Variants in PCDHA3 observed in about 807,000 individuals in gnomAD.
PCDHA3 encodes protocadherin alpha-3.
A neutral mutation model predicts 62.2 loss-of-function variants in PCDHA3; 41 were observed. The observed-to-expected ratio is 0.66, with a 90% CI of 0.51 to 0.86. PCDHA3 has a LOEUF of 0.86. PCDHA3 is among the 40% of genes least tolerant of loss of function. The pLI, the probability that PCDHA3 is intolerant of heterozygous loss-of-function variation, is 0.00. For missense variants in PCDHA3, 1,304 were observed against 1,241.2 expected, an observed-to-expected ratio of 1.05 and a Z score of -0.76; for synonymous variants, 640 against 555.4, an observed-to-expected ratio of 1.15 and a Z score of -2.14.
In PCDHA3 at chr5:140,842,782, C is replaced by T. The variant is rs1349278415; in HGVS notation, c.2394+39191C>T. 6 of 1,594,538 alleles carry T rather than the reference C, an allele frequency of 3.8e-6. 1 individual carries two copies. The highest frequency in any genetic ancestry group is 5.1e-6 in the Non-Finnish European group (6 of 1,165,434). ...CGCGAGACGCGGACGCGCAGGAGAA[C>T]GCGCTGGTGTCCTACTCGCTTGTGG... On this transcript the variant is annotated intron_variant, in intron 1 of 3. Transcript: ENST00000522353.
At chr5:140,941,255 C>CTTTT (rs782490896) in intron 1 of PCDHA3, among the ~76,000 whole-genome samples, 1 of 44,504 alleles carries the variant, frequency 2.2e-5, no homozygotes, top group Non-Finnish European at 5.1e-5. Flanking sequence ...TTCTTTCTTT[C>CTTTT]TCTTTCTTTC....
intron 1 of PCDHA3, among the ~76,000 whole-genome samples, chr5:140,946,631 T>TATACATACAC (rs57893927): frequency 7.6e-6 from 1 of 131,846 alleles, no homozygotes; most frequent in Non-Finnish European, 1.5e-5. Context: ...TATATATATA[T>TATACATACAC]ACAATGGAAT....
At chr5:140,836,901 A>C in intron 1 of PCDHA3, 1 of 593,722 alleles carries the variant, frequency 1.7e-6, no homozygotes. Flanking sequence ...AAGTACGTTT[A>C]ATATACACTT....
At chr5:140,907,913 C>T (rs2073688326) in intron 1 of PCDHA3, among the ~76,000 whole-genome samples, 1 of 152,234 alleles carries the variant, frequency 6.6e-6, no homozygotes, top group Non-Finnish European at 1.5e-5. Context: ...TTTTTGACCA[C>T]TCAGAGAGGT....
intron 1 of PCDHA3, among the ~76,000 whole-genome samples, chr5:140,944,929 CT>C (rs2093712661): frequency 6.6e-6 from 1 of 152,052 alleles, no homozygotes; most frequent in Admixed American, 6.6e-5. Context: ...TGGTTTATGC[CT>C]TCTTTAGATG....
rs1554139232 is a variant in PCDHA3 at position 140,842,637 on chromosome 5, C to T, written c.2394+39046C>T. On this transcript the variant is annotated intron_variant, in intron 1 of 3. Transcript: ENST00000522353. ...GGCTCGCCTTCGCTGTGGGCCACCG[C>T]CAGCTTGTCTGTGGAGGTGGCCGAC... 4 of 1,592,344 alleles carry T rather than the reference C, an allele frequency of 2.5e-6. No individual in the cohort carries two copies. The Middle Eastern group carries it at 6.8e-4, about 271-fold the overall frequency.
At chr5:140,972,334 A>G (rs2153793460) in intron 1 of PCDHA3, among the ~76,000 whole-genome samples, 1 of 151,024 alleles carries the variant, frequency 6.6e-6, no homozygotes, top group Admixed American at 6.6e-5. Flanking sequence ...TTTTTGGAAG[A>G]GATGGGGGTC....
intron 3 of PCDHA3, among the ~76,000 whole-genome samples, chr5:141,006,304 C>T (rs528368169): frequency 7.9e-5 from 12 of 152,036 alleles, no homozygotes; most frequent in African/African-American, 2.7e-4. Context: ...CTCCACTTCC[C>T]GGGTTCATGC....
chr5:140,925,371 A>ATATT (rs1554202717), intron 1 of PCDHA3, among the ~76,000 whole-genome samples: 1 of 152,136 alleles, frequency 6.6e-6, no homozygotes, highest in Non-Finnish European at 1.5e-5. Context: ...CATAGTCAAT[A>ATATT]GTCAATGAGT....
intron 1 of PCDHA3, chr5:140,859,600 C>T (rs1562546033): frequency 6.1e-6 from 1 of 162,864 alleles, no homozygotes; most frequent in African/African-American, 2.4e-5. Context: ...TTAGCAATTA[C>T]TTTTTTCTTT....
intron 1 of PCDHA3, among the ~76,000 whole-genome samples, chr5:140,831,758 T>A (rs138346265): frequency 6.6e-6 from 1 of 152,244 alleles, no homozygotes; most frequent in Non-Finnish European, 1.5e-5. Flanking sequence ...CGCTACCAAT[T>A]TTGTTTTGTG....
chr5:140,933,865 A>G (rs918877939), intron 1 of PCDHA3, among the ~76,000 whole-genome samples: 14 of 151,864 alleles, frequency 9.2e-5, no homozygotes, highest in African/African-American at 1.4e-4. Flanking sequence ...TTTTTCAGAT[A>G]TATGTTAGTT....
intron 1 of PCDHA3, chr5:140,848,253 T>C (rs1021743216): frequency 2.3e-5 from 11 of 469,010 alleles, no homozygotes; most frequent in African/African-American, 2.1e-4. Flanking sequence ...AGAATAACTG[T>C]GAAATTTTTA....
intron 1 of PCDHA3, chr5:140,829,804 T>A (rs2150175080): frequency 1.2e-6 from 2 of 1,613,624 alleles, no homozygotes; most frequent in African/African-American, 2.7e-5. Context: ...CTCGGGTGGG[T>A]GGTACTGGTG....
intron 1 of PCDHA3, chr5:140,823,268 TG>T: frequency 6.2e-7 from 1 of 1,607,684 alleles, no homozygotes; most frequent in South Asian, 1.1e-5. Flanking sequence ...GAGCGGCGGG[TG>T]GGCGAGCGCC....
At position 140,843,079 on chromosome 5, in the gene PCDHA3, C is replaced by T. The variant is rs2150351971; in HGVS notation, c.2394+39488C>T. On this transcript the variant is annotated intron_variant, in intron 1 of 3. Coordinates refer to ENST00000522353, the MANE Select transcript of PCDHA3 (RefSeq NM_018906.3). ...GCAAGCTGGTGCCGCGGTCTGTGGG[C>T]GCGGGCCACGTGGTAGCGAAGGTGC... The T allele has an allele frequency of 6.3e-6, 10 of 1,595,344 alleles. 2 individuals carry two copies. The highest frequency in any genetic ancestry group is 2.2e-5 in the East Asian group (1 of 44,804).
chr5:140,916,520 G>C (rs1339531103), intron 1 of PCDHA3, among the ~76,000 whole-genome samples: 1 of 152,112 alleles, frequency 6.6e-6, no homozygotes, highest in African/African-American at 2.4e-5. Context: ...GCCAAGACTG[G>C]GTCCTTCCCA....
chr5:140,933,405 T>C (rs2089126451), intron 1 of PCDHA3, among the ~76,000 whole-genome samples: 1 of 152,062 alleles, frequency 6.6e-6, no homozygotes, highest in African/African-American at 2.4e-5. Context: ...GGTTACCATC[T>C]ACAGATATTC....
chr5:140,891,877 T>A (rs2063293050), intron 1 of PCDHA3, among the ~76,000 whole-genome samples: 1 of 152,218 alleles, frequency 6.6e-6, no homozygotes, highest in East Asian at 1.9e-4. Flanking sequence ...TTTGGCTCTG[T>A]CATGTGACGA....
Sources: allele counts gnomAD v4.1 joint callset (sites outside exome capture counted in the v4.1 genomes callset), GRCh38; gene constraint gnomAD v4.1.1; transcripts MANE v1.5; gene names NCBI Gene and HGNC (gene_info 2026-07-23, HGNC 2026-07-21).